The following GRIN2A variants were observed in gnomAD, a reference collection of about 807,000 sequenced individuals.
GRIN2A encodes the protein glutamate ionotropic receptor NMDA type subunit 2A.
In GRIN2A, 22 loss-of-function variants were observed where a neutral mutation model predicts 113.4. The observed-to-expected ratio is 0.19, with a 90% CI of 0.14 to 0.28. The LOEUF (loss-of-function observed/expected upper bound fraction) is 0.28. Ranked by LOEUF, GRIN2A falls within the 10% of genes least tolerant of loss-of-function variation. GRIN2A has a pLI of 1.00. For synonymous variants in GRIN2A, 827 were observed against 738.4 expected (o/e 1.12, Z -1.94); for missense variants, 1,502 against 1,887.0 (o/e 0.80, Z 3.78).
intron 2 of GRIN2A, among the ~76,000 whole-genome samples, chr16:10,059,868 G>A (rs903269762): frequency 6.6e-6 from 1 of 152,182 alleles, no homozygotes; most frequent in Non-Finnish European, 1.5e-5. Flanking sequence ...ACCACTCCAG[G>A]TGTTTCCAAC....
At chr16:9,835,876 G>A (rs931034530) in intron 7 of GRIN2A, among the ~76,000 whole-genome samples, 7 of 152,172 alleles carry the variant, frequency 4.6e-5, no homozygotes, top group African/African-American at 1.7e-4. Context: ...TTAAAAGCTG[G>A]GAGGAATGCT....
intron 2 of GRIN2A, among the ~76,000 whole-genome samples, chr16:9,972,536 C>G (rs2045693118): frequency 6.6e-6 from 1 of 151,034 alleles, no homozygotes; most frequent in African/African-American, 2.4e-5. Flanking sequence ...ATGCTCATCA[C>G]AAAGAAAAAG....
At chr16:10,117,873 T>C (rs1349354769) in intron 2 of GRIN2A, among the ~76,000 whole-genome samples, 1 of 152,206 alleles carries the variant, frequency 6.6e-6, no homozygotes, top group African/African-American at 2.4e-5. Context: ...TCCATTCTAG[T>C]TTTTTACTGA....
At chr16:10,020,995 T>G (rs2046709970) in intron 2 of GRIN2A, among the ~76,000 whole-genome samples, 3 of 152,184 alleles carry the variant, frequency 2.0e-5, no homozygotes, top group Admixed American at 2.0e-4. Flanking sequence ...ACCTCCAAGT[T>G]TGTGCTAAAC....
intron 2 of GRIN2A, among the ~76,000 whole-genome samples, chr16:10,135,413 T>A (rs2049171437): frequency 6.6e-6 from 1 of 152,226 alleles, no homozygotes; most frequent in Non-Finnish European, 1.5e-5. Context: ...ACAGAACTGT[T>A]AGCATTCGTA....
rs149423916 is a variant in GRIN2A at position 9,899,830 on chromosome 16, C to T, written c.1008-8730G>A. Among the ~76,000 whole-genome samples, 490 of 152,236 alleles carry T rather than the reference C, an allele frequency of 3.2e-3. 3 individuals are homozygous for T. The highest frequency in any genetic ancestry group is 0.011 in the African/African-American group (458 of 41,532). On this transcript the variant is annotated intron_variant, in intron 3 of 12. Coordinates refer to ENST00000330684, the MANE Select transcript of GRIN2A (RefSeq NM_001134407.3). Reference sequence around the variant, plus strand: ...ATGAGCAGGCATAGGTCTCTAGGATCCTGCACACTAAATATTTGATTCCAG... The same window carrying T: ...ATGAGCAGGCATAGGTCTCTAGGATTCTGCACACTAAATATTTGATTCCAG...
At position 10,073,245 on chromosome 16, in the gene GRIN2A, C is replaced by T. The variant is rs181519356; in HGVS notation, c.414+106753G>A. On this transcript the variant is annotated intron_variant, in intron 2 of 12. Transcript: ENST00000330684. ...TGCTGGGATTACAGGTGTGAGCCACCGTGCCCAGTCAAGATCCCGTAATTC... is the reference window on the plus strand; with the variant it reads ...TGCTGGGATTACAGGTGTGAGCCACTGTGCCCAGTCAAGATCCCGTAATTC... Among the ~76,000 whole-genome samples, 277 of 152,228 alleles carry T rather than the reference C, an allele frequency of 1.8e-3. 2 individuals carry two copies. The highest frequency in any genetic ancestry group is 6.2e-3 in the African/African-American group (259 of 41,530).
intron 12 of GRIN2A, among the ~76,000 whole-genome samples, chr16:9,767,349 A>G (rs1419356249): frequency 6.6e-6 from 1 of 152,250 alleles, no homozygotes; most frequent in Non-Finnish European, 1.5e-5. Context: ...TCTGTTTTAA[A>G]GCAATTAGTT....
At chr16:10,000,947 C>T (rs2046310298) in intron 2 of GRIN2A, among the ~76,000 whole-genome samples, 1 of 152,146 alleles carries the variant, frequency 6.6e-6, no homozygotes, top group Admixed American at 6.6e-5. Flanking sequence ...GTCCTGCTTA[C>T]CATGGCCATA....
intron 7 of GRIN2A, among the ~76,000 whole-genome samples, chr16:9,838,214 A>C (rs1160153528): frequency 1.3e-5 from 2 of 152,196 alleles, no homozygotes; most frequent in Non-Finnish European, 1.5e-5. Context: ...AGTTGACTTT[A>C]ATATAACTGT....
In GRIN2A at chr16:10,124,161, G is replaced by A. The variant is rs561850611; in HGVS notation, c.414+55837C>T. Among the ~76,000 whole-genome samples the A allele has an allele frequency of 5.3e-5, 8 of 152,288 alleles. No individual in the cohort carries two copies. The South Asian group carries it at 1.0e-3, about 20-fold the overall frequency. ...GCAGTGCACTATATTGTCATAGTCT[G>A]AGAAGGGCCGTGTGCGTGCCCTTGT... On this transcript the variant is annotated intron_variant, in intron 2 of 12. Transcript: ENST00000330684.
chr16:9,787,720 T>G (rs1001110002), intron 11 of GRIN2A, among the ~76,000 whole-genome samples: 3 of 152,244 alleles, frequency 2.0e-5, no homozygotes, highest in Admixed American at 6.5e-5. Flanking sequence ...GACAAATATC[T>G]ATAACAATCA....
At chr16:9,916,111 C>T (rs1384368728) in intron 3 of GRIN2A, among the ~76,000 whole-genome samples, 1 of 152,186 alleles carries the variant, frequency 6.6e-6, no homozygotes, top group Non-Finnish European at 1.5e-5. Flanking sequence ...TATATGATGT[C>T]ACCTCTGTGA....
At chr16:10,114,314 G>C (rs1398109889) in intron 2 of GRIN2A, among the ~76,000 whole-genome samples, 1 of 152,198 alleles carries the variant, frequency 6.6e-6, no homozygotes, top group Admixed American at 6.5e-5. Context: ...AGGGGAGCCT[G>C]CTTGGAAACT....
chr16:9,950,590 C>T (rs1327272191), intron 2 of GRIN2A, among the ~76,000 whole-genome samples: 1 of 152,236 alleles, frequency 6.6e-6, no homozygotes, highest in Admixed American at 6.5e-5. Flanking sequence ...TGACAGCCTT[C>T]TCTAATGAGG....
chr16:9,809,223 C>T (rs1410609528), intron 10 of GRIN2A, among the ~76,000 whole-genome samples: 4 of 152,170 alleles, frequency 2.6e-5, no homozygotes, highest in Non-Finnish European at 5.9e-5. Context: ...AGTTTGAGAT[C>T]AGCCTGGGCA....
At chr16:9,797,907 G>A (rs1045923505) in intron 11 of GRIN2A, among the ~76,000 whole-genome samples, 1 of 152,108 alleles carries the variant, frequency 6.6e-6, no homozygotes, top group Non-Finnish European at 1.5e-5. Context: ...ATTGCCAAAT[G>A]TCACCTGAGG....
chr16:9,861,219 G>A (rs546263294), intron 4 of GRIN2A, among the ~76,000 whole-genome samples: 2 of 152,188 alleles, frequency 1.3e-5, no homozygotes, highest in Non-Finnish European at 1.5e-5. Flanking sequence ...CAGAAAATAA[G>A]CAGTGATTTA....
intron 2 of GRIN2A, among the ~76,000 whole-genome samples, chr16:9,942,648 C>T (rs576403041): frequency 4.6e-5 from 7 of 152,266 alleles, no homozygotes; most frequent in East Asian, 1.9e-4. Context: ...TCTCCAGGTC[C>T]ACTGACATGC....
Sources: allele counts gnomAD v4.1 joint callset (sites outside exome capture counted in the v4.1 genomes callset), GRCh38; gene constraint gnomAD v4.1.1; transcripts MANE v1.5; gene names NCBI Gene and HGNC (gene_info 2026-07-23, HGNC 2026-07-21).